The following NARS2 variants were observed in gnomAD, a reference collection of about 807,000 sequenced individuals.
NARS2 encodes asparaginyl-tRNA synthetase.
In NARS2, 60 loss-of-function variants were observed where a neutral mutation model predicts 62.9. That is an observed-to-expected ratio of 0.95 (90% CI 0.77 to 1.18). The LOEUF (loss-of-function observed/expected upper bound fraction) is 1.18, where lower values mean the gene tolerates loss of function less well. Ranked by LOEUF, NARS2 falls within the 50% of genes most tolerant of loss-of-function variation. The probability of loss-of-function intolerance (pLI) is 0.00; values close to 1 mark genes in which losing one functional copy is unlikely to be tolerated. For missense variants in NARS2, 619 were observed against 576.4 expected (o/e 1.07, Z -0.76); for synonymous variants, 196 against 200.0 (o/e 0.98, Z 0.17).
At chr11:78,497,588 A>G (rs7123060) in intron 6 of NARS2, among the ~76,000 whole-genome samples, 114,488 of 152,098 alleles carry the variant, frequency 0.75, 43,516 homozygotes, top group Non-Finnish European at 0.82. Flanking sequence ...ACTGGATTTT[A>G]AAAGTTTTTG....
intron 11 of NARS2, among the ~76,000 whole-genome samples, chr11:78,444,654 G>A (rs1298124293): frequency 2.0e-5 from 3 of 150,694 alleles, no homozygotes; most frequent in Admixed American, 2.0e-4. Flanking sequence ...AGGAGGTGGA[G>A]GTCACAGCGA....
chr11:78,532,195 T>C (rs944731753), intron 5 of NARS2, among the ~76,000 whole-genome samples: 17 of 152,150 alleles, frequency 1.1e-4, no homozygotes, highest in African/African-American at 3.6e-4. Context: ...AACACCCAAC[T>C]TTGTGACTTT....
At chr11:78,571,168 T>C (rs1856908443) in intron 2 of NARS2, among the ~76,000 whole-genome samples, 167 bp downstream of exon 2, 1 of 152,150 alleles carries the variant, frequency 6.6e-6, no homozygotes, top group South Asian at 2.1e-4. Context: ...GGCCTGAGCT[T>C]GAAGGATCTT....
intron 6 of NARS2, among the ~76,000 whole-genome samples, chr11:78,527,081 G>C (rs2135423833): frequency 1.3e-5 from 2 of 152,258 alleles, no homozygotes; most frequent in South Asian, 2.1e-4. Flanking sequence ...ATCTTTCCCA[G>C]CAGAGTTGCA....
At position 78,571,338 on chromosome 11, in the gene NARS2, C is replaced by T. The variant is rs775808543; in HGVS notation, c.248G>A (p.Ser83Asn). The T allele has an allele frequency of 5.6e-6, 9 of 1,605,766 alleles. No homozygotes were observed. The South Asian group carries it at 8.8e-5, about 16-fold the overall frequency. ...LQVVADSGLD[S>N]RELNFGSSVE... ...TCTTTTAAAAAACAAAACTCACCTA[C>T]TGTCAAGGCCTGAATCTGCAACAAC... The change falls in exon 2 of 14, where the codon AGT (serine) becomes AAT (asparagine). Residue 83 changes from serine (S) to asparagine (N), a missense_variant. Physicochemically the swap from Ser to Asn is conservative, Grantham distance 46. Transcript: ENST00000281038.
intron 11 of NARS2, among the ~76,000 whole-genome samples, chr11:78,453,280 C>T (rs1277157304): frequency 3.9e-5 from 6 of 152,138 alleles, no homozygotes; most frequent in Non-Finnish European, 8.8e-5. Context: ...ACACATCTTC[C>T]TCCAGTTAAT....
chr11:78,538,960 A>G (rs1258476522), intron 5 of NARS2, among the ~76,000 whole-genome samples: 1 of 119,490 alleles, frequency 8.4e-6, no homozygotes, highest in Non-Finnish European at 1.6e-5. Context: ...GCGCCACTGC[A>G]CTCCAGCCTG....
At chr11:78,507,663 G>A (rs1860555975) in intron 6 of NARS2, among the ~76,000 whole-genome samples, 2 of 151,908 alleles carry the variant, frequency 1.3e-5, no homozygotes, top group South Asian at 4.1e-4. Flanking sequence ...GGGACTACAG[G>A]CGCCTGACAC....
At chr11:78,541,452 G>T (rs1268821703) in intron 5 of NARS2, among the ~76,000 whole-genome samples, 2 of 151,810 alleles carry the variant, frequency 1.3e-5, no homozygotes, top group Non-Finnish European at 2.9e-5. Flanking sequence ...ATACCACTGT[G>T]CCCAGCTCTC....
chr11:78,478,261 G>T (rs2135263620), intron 9 of NARS2, among the ~76,000 whole-genome samples, 177 bp downstream of exon 9: 1 of 151,750 alleles, frequency 6.6e-6, no homozygotes, highest in East Asian at 1.9e-4. Flanking sequence ...AAAATAATTA[G>T]AACATGGGTC....
chr11:78,542,148 A>G lies in NARS2; in HGVS notation c.595-13212T>C, dbSNP rs148803129. 6.3e-3 allele frequency among the ~76,000 whole-genome samples: 963 copies of G among 152,340 alleles called. 3 individuals carry two copies. The highest frequency in any genetic ancestry group is 8.5e-3 in the Non-Finnish European group (580 of 68,020). On this transcript the variant is annotated intron_variant, in intron 5 of 13. Transcript: ENST00000281038. ...CACCCACTAACTAGAACACCCACTC[A>G]GCCCTGAGAAAGGTTTCATTTAAAC...
At chr11:78,481,261 T>A (rs939251392) in intron 7 of NARS2, among the ~76,000 whole-genome samples, 4 of 152,034 alleles carry the variant, frequency 2.6e-5, no homozygotes, top group Non-Finnish European at 5.9e-5. Flanking sequence ...GAGAGGGGTA[T>A]AGGGGTAAGG....
chr11:78,534,792 AC>A (rs1861610863), intron 5 of NARS2, among the ~76,000 whole-genome samples: 1 of 152,218 alleles, frequency 6.6e-6, no homozygotes, highest in South Asian at 2.1e-4. Flanking sequence ...TTGAAGTAGG[AC>A]CTGGAAATAT....
rs111447180 is a variant in NARS2, at chr11:78,567,942, G to A, written c.372+690C>T. ...CTGGCTGGGCCTCATTTTCTCCACTGTAAATTTAAAGAATTTCATTAATAA... is the reference window on the plus strand; with the variant it reads ...CTGGCTGGGCCTCATTTTCTCCACTATAAATTTAAAGAATTTCATTAATAA... On this transcript the variant is annotated intron_variant, in intron 3 of 13. Transcript: ENST00000281038. Among the ~76,000 whole-genome samples, 999 of 152,214 alleles carry A rather than the reference G, an allele frequency of 6.6e-3. 16 individuals are homozygous for A. The highest frequency in any genetic ancestry group is 0.023 in the African/African-American group (964 of 41,512).
At chr11:78,499,528 T>C (rs1751953168) in intron 6 of NARS2, among the ~76,000 whole-genome samples, 3 of 152,360 alleles carry the variant, frequency 2.0e-5, no homozygotes, top group Middle Eastern at 3.4e-3. Context: ...AATTCTGTTC[T>C]GCGAAATAAT....
chr11:78,446,590 T>A (rs1258867408), intron 11 of NARS2, among the ~76,000 whole-genome samples: 1 of 152,154 alleles, frequency 6.6e-6, no homozygotes, highest in African/African-American at 2.4e-5. Context: ...AAAAGAATAG[T>A]CAACCAGTGG....
chr11:78,534,881 T>C (rs993158996), intron 5 of NARS2, among the ~76,000 whole-genome samples: 4 of 152,218 alleles, frequency 2.6e-5, no homozygotes, highest in Admixed American at 2.0e-4. Flanking sequence ...TTTGTGTTAA[T>C]CCTTGGGAAT....
intron 6 of NARS2, among the ~76,000 whole-genome samples, chr11:78,526,472 A>T (rs1861297428): frequency 6.6e-6 from 1 of 152,176 alleles, no homozygotes; most frequent in Admixed American, 6.5e-5. Flanking sequence ...AGAAAAAACA[A>T]AGCTGAGGGA....
At chr11:78,468,093 G>C (rs972685087) in intron 10 of NARS2, among the ~76,000 whole-genome samples, 14 of 148,484 alleles carry the variant, frequency 9.4e-5, no homozygotes, top group Admixed American at 8.1e-4. Context: ...TGCTCCTCTA[G>C]TCCCAGTTAC....
Sources: allele counts gnomAD v4.1 joint callset (sites outside exome capture counted in the v4.1 genomes callset), GRCh38; gene constraint gnomAD v4.1.1; transcripts MANE v1.5; gene names NCBI Gene and HGNC (gene_info 2026-07-23, HGNC 2026-07-21).